SLC35F4: variants seen among roughly 807,000 people sequenced by gnomAD.
SLC35F4 encodes solute carrier family 35 member F4, also known as chromosome 14 open reading frame 36.
In SLC35F4, 24 loss-of-function variants were observed where a neutral mutation model predicts 44.2. The ratio of observed to expected loss-of-function variants is 0.54; its 90% CI spans 0.39 to 0.76. The LOEUF is 0.76. Ranked by LOEUF, SLC35F4 falls within the 30% of genes least tolerant of loss-of-function variation. The pLI is 0.00. For synonymous variants in SLC35F4, 238 were observed against 223.6 expected (o/e 1.06, Z -0.57); for missense variants, 562 against 586.1 (o/e 0.96, Z 0.42).
In SLC35F4 at chr14:57,658,524, T is replaced by C. The variant is rs1420046341; in HGVS notation, c.104-64400A>G. ...AATGAAGAAGTTCCTTTAGTGAAAA[T>C]GAAACAGCAGACATAAAAGAGGAGC... On this transcript the variant is annotated intron_variant, in intron 1 of 7. Transcript: ENST00000556826. 2.0e-5 allele frequency among the ~76,000 whole-genome samples: 3 copies of C among 152,194 alleles called. 1 individual carries two copies. The highest frequency in any genetic ancestry group is 4.4e-5 in the Non-Finnish European group (3 of 68,028).
At chr14:57,726,308 A>G (rs2076201700) in intron 1 of SLC35F4, among the ~76,000 whole-genome samples, 2 of 152,172 alleles carry the variant, frequency 1.3e-5, no homozygotes, top group Admixed American at 1.3e-4. Flanking sequence ...TACCAGAAAA[A>G]AAACCAGACT....
intron 1 of SLC35F4, among the ~76,000 whole-genome samples, chr14:57,683,107 A>T (rs1401384461): frequency 6.6e-6 from 1 of 152,202 alleles, no homozygotes; most frequent in Non-Finnish European, 1.5e-5. Context: ...TCATACAAAG[A>T]TTACCTGGTT....
chr14:57,975,325 T>C (rs1461956719), downstream of SLC35F4, among the ~76,000 whole-genome samples: 3 of 152,234 alleles, frequency 2.0e-5, no homozygotes, highest in Admixed American at 6.5e-5. Flanking sequence ...GAAGGAAGTT[T>C]CTGCTTCTTA....
intron 1 of SLC35F4, among the ~76,000 whole-genome samples, chr14:57,614,735 C>T (rs1171332292): frequency 1.3e-5 from 2 of 152,112 alleles, no homozygotes; most frequent in Non-Finnish European, 2.9e-5. Flanking sequence ...GATGGGGCAA[C>T]AGGGAGTGGT....
At chr14:57,799,808 T>A (rs183941246) in intron 1 of SLC35F4, among the ~76,000 whole-genome samples, 1 of 152,174 alleles carries the variant, frequency 6.6e-6, no homozygotes, top group South Asian at 2.1e-4. Flanking sequence ...GACCTTCCCA[T>A]AGGGGCTTCA....
intron 1 of SLC35F4, among the ~76,000 whole-genome samples, chr14:57,856,849 G>A (rs1887150910): frequency 1.3e-5 from 2 of 152,180 alleles, no homozygotes; most frequent in Admixed American, 6.5e-5. Context: ...CAGTGAAAGT[G>A]CATAAGAGTT....
chr14:57,751,765 T>C (rs1016980115), intron 1 of SLC35F4, among the ~76,000 whole-genome samples: 1 of 152,192 alleles, frequency 6.6e-6, no homozygotes, highest in Non-Finnish European at 1.5e-5. Context: ...AAAAATTCTA[T>C]GGTCACAATG....
chr14:57,788,637 G>A (rs1380389264), intron 1 of SLC35F4, among the ~76,000 whole-genome samples: 1 of 151,916 alleles, frequency 6.6e-6, no homozygotes, highest in Admixed American at 6.6e-5. Flanking sequence ...ACAAATACAT[G>A]GAAATTAAAT....
intron 1 of SLC35F4, among the ~76,000 whole-genome samples, chr14:57,745,493 T>C (rs1413136390): frequency 1.3e-5 from 2 of 152,212 alleles, no homozygotes; most frequent in Non-Finnish European, 2.9e-5. Context: ...ATGCTCATCA[T>C]CACTGGCCAT....
chr14:57,574,615 T>C (rs1210284386), intron 4 of SLC35F4, among the ~76,000 whole-genome samples: 2 of 152,206 alleles, frequency 1.3e-5, no homozygotes, highest in Non-Finnish European at 2.9e-5. Context: ...TTCAAAAATA[T>C]CTGATAGGTC....
chr14:57,747,009 A>G (rs181997140), intron 1 of SLC35F4, among the ~76,000 whole-genome samples: 21 of 152,334 alleles, frequency 1.4e-4, no homozygotes, highest in African/African-American at 5.0e-4. Flanking sequence ...TTTTTGAGAT[A>G]GTTCACTTTT....
chr14:57,785,602 A>G (rs1344963996), intron 1 of SLC35F4, among the ~76,000 whole-genome samples: 2 of 152,132 alleles, frequency 1.3e-5, no homozygotes, highest in Non-Finnish European at 2.9e-5. Flanking sequence ...GAGTGCCCCA[A>G]CTGCAGAAGT....
chr14:57,584,110 A>G (rs907508264), intron 3 of SLC35F4, among the ~76,000 whole-genome samples: 2 of 152,146 alleles, frequency 1.3e-5, no homozygotes, highest in Non-Finnish European at 2.9e-5. Flanking sequence ...CTCCAGTTTG[A>G]TGCTATCTAA....
At chr14:57,893,843 C>T (rs553119834) in intron 1 of SLC35F4, among the ~76,000 whole-genome samples, 25 of 151,282 alleles carry the variant, frequency 1.7e-4, no homozygotes, top group Middle Eastern at 3.6e-3. Context: ...CCTCAAAATA[C>T]GTTCTGAGTA....
chr14:57,805,296 T>C (rs931250148), intron 1 of SLC35F4, among the ~76,000 whole-genome samples: 2 of 152,166 alleles, frequency 1.3e-5, no homozygotes, highest in African/African-American at 4.8e-5. Flanking sequence ...ATAGAAATCA[T>C]TATATTATAA....
intron 1 of SLC35F4, among the ~76,000 whole-genome samples, chr14:57,601,361 CA>C (rs772470975): frequency 1.3e-4 from 20 of 151,768 alleles, no homozygotes; most frequent in Non-Finnish European, 2.6e-4. Context: ...GACACATGTG[CA>C]TATTTGTTAC....
intron 1 of SLC35F4, among the ~76,000 whole-genome samples, chr14:57,632,966 T>C (rs1025084318): frequency 1.3e-5 from 2 of 152,096 alleles, no homozygotes; most frequent in Non-Finnish European, 2.9e-5. Flanking sequence ...TTCCAGAATG[T>C]CATATCATTG....
intron 1 of SLC35F4, among the ~76,000 whole-genome samples, chr14:57,785,996 G>T (rs963339607): frequency 6.6e-6 from 1 of 152,164 alleles, no homozygotes; most frequent in African/African-American, 2.4e-5. Context: ...TTCTTTGGCA[G>T]CTGGAAGACG....
intron 4 of SLC35F4, among the ~76,000 whole-genome samples, chr14:57,578,146 T>A (rs375952507): frequency 3.0e-5 from 4 of 131,638 alleles, no homozygotes; most frequent in African/African-American, 5.5e-5. Context: ...CTTTTTACAT[T>A]AAAAAAAAAA....
Sources: gnomAD v4.1 joint callset for allele counts (sites outside exome capture counted in the v4.1 genomes callset) on GRCh38, gnomAD v4.1.1 for gene constraint, MANE v1.5 for transcripts, NCBI Gene and HGNC (gene_info 2026-07-23, HGNC 2026-07-21) for gene names.